CNTN4: variants seen among roughly 807,000 people sequenced by gnomAD.
The protein encoded by CNTN4 is contactin 4, also known as contactin-4.
Under a neutral mutation model 122.5 loss-of-function variants are expected in CNTN4, and 77 were observed. The observed-to-expected ratio is 0.63, with a 90% CI of 0.52 to 0.76. The LOEUF (loss-of-function observed/expected upper bound fraction) is 0.76. Ranked by LOEUF, CNTN4 falls within the 30% of genes least tolerant of loss-of-function variation. The pLI is 0.00. For synonymous variants in CNTN4, 512 were observed against 447.0 expected, an observed-to-expected ratio of 1.15 and a Z score of -1.83; for missense variants, 1,256 against 1,259.1, an observed-to-expected ratio of 1.00 and a Z score of 0.04.
At chr3:2,574,509 G>A (rs2079571519) in intron 4 of CNTN4, among the ~76,000 whole-genome samples, 1 of 152,040 alleles carries the variant, frequency 6.6e-6, no homozygotes, top group Non-Finnish European at 1.5e-5. Flanking sequence ...GTACTTTATG[G>A]TACAATGGGA....
chr3:2,426,927 CT>C (rs1206497954), intron 3 of CNTN4, among the ~76,000 whole-genome samples: 6 of 152,126 alleles, frequency 3.9e-5, no homozygotes, highest in Non-Finnish European at 5.9e-5. Context: ...TCCCCTTTAT[CT>C]TTTTTTATTA....
intron 3 of CNTN4, among the ~76,000 whole-genome samples, chr3:2,376,953 C>T (rs548534531): frequency 8.9e-4 from 136 of 152,006 alleles, no homozygotes; most frequent in Non-Finnish European, 1.2e-3. Flanking sequence ...GTCAAAAGAT[C>T]GAGACCATCC....
rs571698176 is a variant in CNTN4 at position 2,537,879 on chromosome 3, G to A, written c.-88-33537G>A. ...TACATCTCCAATAACCCTCCTTCTG[G>A]AAGTGGAATGAAACTCCCTCCTTCC... is the stretch of plus-strand genomic sequence containing the variant. On this transcript the variant is annotated intron_variant, in intron 3 of 24. Transcript: ENST00000418658. 2.6e-5 allele frequency among the ~76,000 whole-genome samples: 4 copies of A among 152,000 alleles called. No individual in the cohort carries two copies. In the East Asian group the frequency reaches 7.8e-4, roughly 30 times the overall value.
At chr3:2,167,668 CT>C (rs2036261885) in intron 2 of CNTN4, among the ~76,000 whole-genome samples, 1 of 152,122 alleles carries the variant, frequency 6.6e-6, no homozygotes, top group Non-Finnish European at 1.5e-5. Context: ...AGCTTTTTAC[CT>C]TGTCATTTAA....
rs1473335563 is a variant in CNTN4 at position 2,369,794 on chromosome 3, G to GA, written c.-89+30564dup. 7.9e-5 allele frequency among the ~76,000 whole-genome samples: 12 copies of GA among 152,184 alleles called. No homozygotes were observed. In the East Asian group the frequency reaches 2.3e-3, roughly 29 times the overall value. On this transcript the variant is annotated intron_variant, in intron 3 of 24. Transcript: ENST00000418658. ...TGTCAGAAAGTTAAAAAAAATAAAAGAAATAGTAACAGTTGCATTGATTTA... is the reference window on the plus strand; with the variant it reads ...TGTCAGAAAGTTAAAAAAAATAAAAGAAAATAGTAACAGTTGCATTGATTTA...
intron 13 of CNTN4, among the ~76,000 whole-genome samples, chr3:2,980,108 G>T (rs1268025644): frequency 6.6e-6 from 1 of 152,258 alleles, no homozygotes; most frequent in Non-Finnish European, 1.5e-5. Context: ...AGAGCCTCAT[G>T]TGAAGAAAGA....
At chr3:2,567,806 A>T (rs972153079) in intron 3 of CNTN4, among the ~76,000 whole-genome samples, 2 of 152,124 alleles carry the variant, frequency 1.3e-5, no homozygotes, top group Admixed American at 1.3e-4. Context: ...ATCCTTTAAG[A>T]ATCAGTTCAA....
intron 2 of CNTN4, among the ~76,000 whole-genome samples, chr3:2,106,773 C>T (rs932512344): frequency 3.3e-5 from 5 of 152,216 alleles, no homozygotes; most frequent in Non-Finnish European, 7.3e-5. Flanking sequence ...TGAATTTCTC[C>T]CCAGAAAATG....
At chr3:3,038,810 C>G in intron 18 of CNTN4, 123 bp from the exon 19 acceptor site, 5 of 734,302 alleles carry the variant, frequency 6.8e-6, no homozygotes, top group Non-Finnish European at 9.6e-6. Context: ...TTGCTGATCT[C>G]CAGAGACAAA....
intron 13 of CNTN4, among the ~76,000 whole-genome samples, chr3:2,942,494 T>G (rs1011554232): frequency 4.6e-5 from 7 of 152,188 alleles, no homozygotes; most frequent in African/African-American, 1.4e-4. Flanking sequence ...ATTACTGCAG[T>G]TGATATAAGA....
chr3:2,675,766 G>A (rs909820219), intron 4 of CNTN4, among the ~76,000 whole-genome samples: 1 of 152,104 alleles, frequency 6.6e-6, no homozygotes, highest in Admixed American at 6.5e-5. Flanking sequence ...ACTCAAATAC[G>A]AACACACGCT....
At chr3:2,190,862 C>T (rs560496223) in intron 2 of CNTN4, among the ~76,000 whole-genome samples, 26 of 151,106 alleles carry the variant, frequency 1.7e-4, no homozygotes, top group African/African-American at 4.9e-4. Context: ...ATATATATCT[C>T]GTACACACAC....
At chr3:2,595,593 GC>G (rs1188821833) in intron 4 of CNTN4, among the ~76,000 whole-genome samples, 2 of 152,118 alleles carry the variant, frequency 1.3e-5, no homozygotes, top group African/African-American at 4.8e-5. Flanking sequence ...TTGGCTCCAG[GC>G]CCCCAGAGAC....
chr3:2,747,816 C>T (rs993533134), intron 6 of CNTN4, among the ~76,000 whole-genome samples: 8 of 152,150 alleles, frequency 5.3e-5, no homozygotes, highest in South Asian at 4.1e-4. Context: ...CAATTCATCA[C>T]GAGGCACCCT....
chr3:2,612,475 G>A (rs568900796), intron 4 of CNTN4, among the ~76,000 whole-genome samples: 10 of 152,100 alleles, frequency 6.6e-5, no homozygotes, highest in Non-Finnish European at 7.4e-5. Context: ...GTGTATATGT[G>A]TGTGTGCGTG....
intron 3 of CNTN4, among the ~76,000 whole-genome samples, chr3:2,543,845 A>T (rs150948485): frequency 1.3e-5 from 2 of 152,242 alleles, no homozygotes; most frequent in East Asian, 3.9e-4. Flanking sequence ...TTTTACTTGC[A>T]TATATTAAGA....
At chr3:2,836,282 T>G (rs1171879764) in intron 7 of CNTN4, among the ~76,000 whole-genome samples, 1 of 152,204 alleles carries the variant, frequency 6.6e-6, no homozygotes, top group Admixed American at 6.5e-5. Flanking sequence ...AAAGTTTTAA[T>G]GTAATTCTCT....
At chr3:2,191,707 T>C (rs2320380) in intron 2 of CNTN4, among the ~76,000 whole-genome samples, 107,153 of 140,250 alleles carry the variant, frequency 0.76, 38,500 homozygotes, top group South Asian at 0.83. Flanking sequence ...TATATATATA[T>C]ATACACACAC....
intron 2 of CNTN4, among the ~76,000 whole-genome samples, chr3:2,118,974 A>G (rs1349385327): frequency 1.3e-5 from 2 of 152,206 alleles, no homozygotes; most frequent in Admixed American, 1.3e-4. Context: ...TTATATGTCA[A>G]CCAGGCTAGG....
Sources: gnomAD v4.1 joint callset for allele counts (sites outside exome capture counted in the v4.1 genomes callset) on GRCh38, gnomAD v4.1.1 for gene constraint, MANE v1.5 for transcripts, NCBI Gene and HGNC (gene_info 2026-07-23, HGNC 2026-07-21) for gene names.